Variants in DNAJC6 observed in about 807,000 individuals in gnomAD.
The protein encoded by DNAJC6 is DnaJ heat shock protein family (Hsp40) member C6, also known as auxilin.
A neutral mutation model predicts 110.0 loss-of-function variants in DNAJC6; 34 were observed. The observed-to-expected ratio is 0.31, with a 90% CI of 0.24 to 0.41. DNAJC6 has a LOEUF of 0.41. Ranked by LOEUF, DNAJC6 falls within the 10% of genes least tolerant of loss-of-function variation. The pLI is 1.00. For missense variants in DNAJC6, 1,031 were observed against 1,207.8 expected, an observed-to-expected ratio of 0.85 and a Z score of 2.17; for synonymous variants, 406 against 437.2, an observed-to-expected ratio of 0.93 and a Z score of 0.89.
At position 65,276,012 on chromosome 1, in the gene DNAJC6, G is replaced by T. The variant is rs141648969; in HGVS notation, c.-131+11080G>T. 3.3e-4 allele frequency among the ~76,000 whole-genome samples: 50 copies of T among 151,666 alleles called. No individual in the cohort carries two copies. In the East Asian group the frequency reaches 7.2e-3, roughly 22 times the overall value. ...CAAGCGATCTTCAGCCTCCTGAGTA[G>T]CTGGGATTACAGGCATGTACCACTA... On this transcript the variant is annotated intron_variant, in intron 1 of 19. Coordinates refer to the DNAJC6 transcript ENST00000263441.
At chr1:65,266,689 G>A (rs1386159591) in intron 1 of DNAJC6, among the ~76,000 whole-genome samples, 1 of 151,614 alleles carries the variant, frequency 6.6e-6, no homozygotes, top group Non-Finnish European at 1.5e-5. Flanking sequence ...AAGGGTTTCT[G>A]GAGAGAAAAA....
At chr1:65,366,401 A>G (rs1039372382) in intron 4 of DNAJC6, among the ~76,000 whole-genome samples, 3 of 152,224 alleles carry the variant, frequency 2.0e-5, no homozygotes, top group African/African-American at 7.2e-5. Context: ...AGGAAAGTGT[A>G]TCTGTCAATG....
chr1:65,412,796 G>A lies in DNAJC6; in HGVS notation c.2812-128G>A, dbSNP rs1263448720. The A allele has an allele frequency of 4.9e-6, 4 of 815,506 alleles. No homozygotes were observed. The African/African-American group carries it at 6.9e-5, about 14-fold the overall frequency. 50.5% of individuals were successfully genotyped at this position (815,506 alleles called of 1,614,324 possible). ...TGGGTCAGATATAGTAGATTAGGCT[G>A]AAAAGGAGAAATGGCCAAATAGAAA... On this transcript the variant is annotated intron_variant, in intron 18 of 18. Coordinates refer to ENST00000371069, the MANE Select transcript of DNAJC6 (RefSeq NM_001256864.2).
At chr1:65,301,261 T>C (rs891265264) in intron 1 of DNAJC6, among the ~76,000 whole-genome samples, 4 of 152,134 alleles carry the variant, frequency 2.6e-5, no homozygotes, top group African/African-American at 7.2e-5. Flanking sequence ...CAAAGTGCCT[T>C]TTCTTATTTT....
At chr1:65,365,116 T>TA (rs1645633580) in intron 2 of DNAJC6, among the ~76,000 whole-genome samples, 1 of 152,162 alleles carries the variant, frequency 6.6e-6, no homozygotes, top group African/African-American at 2.4e-5. Flanking sequence ...GCTTTTTTTT[T>TA]ATACCCTGAC....
At chr1:65,368,555 T>C (rs1645671126) in intron 4 of DNAJC6, among the ~76,000 whole-genome samples, 1 of 148,118 alleles carries the variant, frequency 6.8e-6, no homozygotes, top group South Asian at 2.2e-4. Flanking sequence ...CCCTTCTCCT[T>C]CCTTCCTTCC....
At chr1:65,348,550 T>G (rs12755229) in intron 1 of DNAJC6, among the ~76,000 whole-genome samples, 67,413 of 151,962 alleles carry the variant, frequency 0.44, 15,511 homozygotes, top group Non-Finnish European at 0.53. Flanking sequence ...AATATTGTCT[T>G]GAAATTAATT....
chr1:65,389,894 T>A (rs1557557394), intron 11 of DNAJC6, among the ~76,000 whole-genome samples: 1 of 152,172 alleles, frequency 6.6e-6, no homozygotes, highest in East Asian at 1.9e-4. Flanking sequence ...ATGCCTGTAG[T>A]CCTAGCTATG....
At chr1:65,349,251 T>G (rs1312600798) in intron 1 of DNAJC6, among the ~76,000 whole-genome samples, 1 of 151,462 alleles carries the variant, frequency 6.6e-6, no homozygotes, top group Non-Finnish European at 1.5e-5. Context: ...AAATTTCACT[T>G]ACCTTCCACC....
intron 1 of DNAJC6, among the ~76,000 whole-genome samples, chr1:65,299,553 T>C (rs1175781654): frequency 6.6e-6 from 1 of 152,182 alleles, no homozygotes; most frequent in Non-Finnish European, 1.5e-5. Context: ...CAATGACAAA[T>C]AACACAATAG....
chr1:65,370,155 C>G (rs550637754), intron 4 of DNAJC6, among the ~76,000 whole-genome samples: 7 of 152,010 alleles, frequency 4.6e-5, no homozygotes, highest in Non-Finnish European at 1.0e-4. Context: ...ATCAGTTAAA[C>G]CAGATGTTCA....
intron 1 of DNAJC6, among the ~76,000 whole-genome samples, chr1:65,315,786 C>G (rs1343477767): frequency 6.6e-6 from 1 of 152,120 alleles, no homozygotes; most frequent in Non-Finnish European, 1.5e-5. Flanking sequence ...ACAGGCTCTA[C>G]TTATTCTATA....
chr1:65,384,498 AAG>A (rs1258054548), intron 6 of DNAJC6, among the ~76,000 whole-genome samples, 172 bp downstream of exon 6: 2 of 152,246 alleles, frequency 1.3e-5, no homozygotes, highest in Non-Finnish European at 2.9e-5. Flanking sequence ...TATAAAGAAA[AAG>A]AGTTTCAATG....
At chr1:65,369,017 G>A (rs1186547321) in intron 4 of DNAJC6, among the ~76,000 whole-genome samples, 3 of 151,944 alleles carry the variant, frequency 2.0e-5, no homozygotes, top group Non-Finnish European at 2.9e-5. Flanking sequence ...TGATCCACCT[G>A]CCTCAGCCTC....
chr1:65,288,331 A>G (rs1488425657), intron 1 of DNAJC6, among the ~76,000 whole-genome samples: 2 of 152,230 alleles, frequency 1.3e-5, no homozygotes, highest in Non-Finnish European at 2.9e-5. Context: ...AAAAGGTTTG[A>G]AAGAAAAGCA....
intron 1 of DNAJC6, among the ~76,000 whole-genome samples, chr1:65,295,113 T>G (rs1644916573): frequency 6.6e-6 from 1 of 152,208 alleles, no homozygotes; most frequent in African/African-American, 2.4e-5. Context: ...TGTTAAGTAC[T>G]GTATTAGGCA....
intron 4 of DNAJC6, among the ~76,000 whole-genome samples, chr1:65,377,101 G>C (rs1220871161): frequency 6.6e-6 from 1 of 152,074 alleles, no homozygotes; most frequent in Admixed American, 6.6e-5. Context: ...CTCGTTTTGT[G>C]GACTATGGTC....
intron 9 of DNAJC6, among the ~76,000 whole-genome samples, chr1:65,388,857 G>A (rs1219358422): frequency 2.0e-5 from 3 of 152,186 alleles, no homozygotes; most frequent in Non-Finnish European, 2.9e-5. Context: ...TCATAGTGTG[G>A]TCTAGGTGAA....
chr1:65,368,564 CCTT>C (rs1645671275), intron 4 of DNAJC6, among the ~76,000 whole-genome samples: 1 of 148,394 alleles, frequency 6.7e-6, no homozygotes, highest in Non-Finnish European at 1.5e-5. Flanking sequence ...TTCCTTCCTT[CCTT>C]CTTTCCTCTT....
Sources: gnomAD v4.1 joint callset for allele counts (sites outside exome capture counted in the v4.1 genomes callset) on GRCh38, gnomAD v4.1.1 for gene constraint, MANE v1.5 for transcripts, NCBI Gene and HGNC (gene_info 2026-07-23, HGNC 2026-07-21) for gene names.